Variants in DNAH7 observed in about 807,000 individuals in gnomAD.
DNAH7 encodes the protein dynein axonemal heavy chain 7, also known as axonemal beta dynein heavy chain 7.
A neutral mutation model predicts 444.6 loss-of-function variants in DNAH7; 397 were observed. The ratio of observed to expected loss-of-function variants is 0.89; its 90% CI spans 0.82 to 0.97. The LOEUF (loss-of-function observed/expected upper bound fraction) is 0.97. DNAH7 is among the 50% of genes least tolerant of loss of function. DNAH7 has a pLI of 0.00. For missense variants in DNAH7, 4,902 were observed against 4,800.8 expected (o/e 1.02, Z -0.62); for synonymous variants, 1,636 against 1,624.4 (o/e 1.01, Z -0.17).
Position 195,858,716 on chromosome 2 carries a change from A to T in DNAH7, c.7825T>A (p.Leu2609Met), listed in dbSNP as rs370012351. ...TTTAATTGAGGATGTAGTGCCTCCA[A>T]CTCCATCTGCATTGTGGCTACTTGA... The part of the protein sequence containing the change: ...SSQVATMQME[L>M]EALHPQLKVA... Residue 2609 changes from leucine to methionine, a missense_variant, in exon 43 of 65, where the codon TTG becomes ATG. Leu to Met is a conservative substitution (Grantham distance 15, BLOSUM62 2). Coordinates refer to ENST00000312428, the MANE Select transcript of DNAH7 (RefSeq NM_018897.3). The T allele has an allele frequency of 1.2e-6, 2 of 1,613,828 alleles. No homozygotes were observed. Among genetic ancestry groups the T allele is most frequent in the Non-Finnish European group, 1.7e-6 (2 of 1,179,916 alleles).
intron 28 of DNAH7, 94 bp from the exon 29 acceptor site, chr2:195,897,859 G>A: frequency 1.8e-6 from 1 of 563,804 alleles, no homozygotes; most frequent in Non-Finnish European, 3.1e-6. Context: ...TACAGACCCT[G>A]TAACTCAGTT....
intron 3 of DNAH7, among the ~76,000 whole-genome samples, chr2:196,048,989 A>G (rs1184968935): frequency 2.0e-5 from 3 of 152,230 alleles, no homozygotes; most frequent in Admixed American, 6.5e-5. Flanking sequence ...TTCATCTTCT[A>G]AAAACGCAAT....
At chr2:195,952,330 G>A (rs1377559193) in intron 19 of DNAH7, among the ~76,000 whole-genome samples, 1 of 152,110 alleles carries the variant, frequency 6.6e-6, no homozygotes, top group Non-Finnish European at 1.5e-5. Flanking sequence ...CCCTTTGTGG[G>A]TAACCCGACC....
At chr2:196,004,962 CAAAA>C (rs60564090) in intron 10 of DNAH7, among the ~76,000 whole-genome samples, 645 of 63,682 alleles carry the variant, frequency 0.01, 5 homozygotes, top group African/African-American at 0.029. Flanking sequence ...GGCCTTGTGT[CAAAA>C]AAAAAAAAAA....
intron 48 of DNAH7, among the ~76,000 whole-genome samples, chr2:195,828,613 T>A (rs868591851): frequency 0.16 from 19,224 of 121,728 alleles, 1,350 homozygotes; most frequent in East Asian, 0.29. Flanking sequence ...TATATATATT[T>A]TTTTTTTTTT....
chr2:196,033,625 C>G (rs1696198989), intron 5 of DNAH7, among the ~76,000 whole-genome samples: 1 of 152,094 alleles, frequency 6.6e-6, no homozygotes, highest in South Asian at 2.1e-4. Flanking sequence ...ATAAAATTTC[C>G]CTTTTTTAAG....
chr2:195,936,759 T>G lies in DNAH7; in HGVS notation c.3112A>C (p.Arg1038=). The G allele has an allele frequency of 6.3e-7, 1 of 1,585,382 alleles. No individual in the cohort carries two copies. Among genetic ancestry groups the G allele is most frequent in the Non-Finnish European group, 8.6e-7 (1 of 1,168,696 alleles). Residue 1038 remains arginine, a synonymous_variant, in exon 20 of 65, where the codon AGA becomes CGA. Transcript: ENST00000312428. ...KHVLTVVTID[R]MLERLKKSNE... is the part of the protein sequence containing the mutation. ...GATTTTTTCAGCCTTTCCAGCATTC[T>G]GTCAATGGTTACAACTGTCAGAACA...
rs1316908974 is a variant in DNAH7, at chr2:195,998,430, C to T, written c.1353+2274G>A. On this transcript the variant is annotated intron_variant, in intron 12 of 64. Transcript: ENST00000312428. ...CTCTACTAAAAATACAAAAAATAGCCACGCATGGTGGCGGGTGCCTGTAGT... is the reference window on the plus strand; with the variant it reads ...CTCTACTAAAAATACAAAAAATAGCTACGCATGGTGGCGGGTGCCTGTAGT... Among the ~76,000 whole-genome samples the T allele has an allele frequency of 2.6e-5, 4 of 152,062 alleles. No homozygotes were observed. In the South Asian group the frequency reaches 6.2e-4, roughly 24 times the overall value.
At chr2:195,958,819 T>C (rs2125519681) in intron 18 of DNAH7, among the ~76,000 whole-genome samples, 1 of 152,260 alleles carries the variant, frequency 6.6e-6, no homozygotes, top group African/African-American at 2.4e-5. Context: ...CATCTATTTA[T>C]CAATGGAGAG....
intron 49 of DNAH7, 58 bp downstream of exon 49, chr2:195,824,197 G>A: frequency 6.8e-7 from 1 of 1,471,280 alleles, no homozygotes; most frequent in Non-Finnish European, 9.2e-7. Flanking sequence ...GACTCAGGAG[G>A]AATATATAGT....
intron 7 of DNAH7, among the ~76,000 whole-genome samples, chr2:196,026,410 C>G (rs553840893): frequency 1.3e-5 from 2 of 152,092 alleles, no homozygotes; most frequent in Non-Finnish European, 2.9e-5. Flanking sequence ...CCAAAAGATC[C>G]TGGAATGAAG....
intron 46 of DNAH7, among the ~76,000 whole-genome samples, chr2:195,848,948 ATAT>A (rs1379890006): frequency 1.3e-5 from 2 of 152,144 alleles, no homozygotes; most frequent in African/African-American, 4.8e-5. Context: ...CACTTGTGAA[ATAT>A]TATATTATAA....
chr2:195,873,695 C>T lies in DNAH7; in HGVS notation c.6287-1G>A. The stretch of plus-strand genomic sequence containing the variant: ...GGAGTTACTGGATTTCGACCACCAC[C>T]TAAATATTAAAAAGTATAACTCTTA... On this transcript the variant is annotated splice_acceptor_variant, in intron 38 of 64. Transcript: ENST00000312428. LOFTEE classifies it high-confidence loss of function. The T allele has an allele frequency of 6.6e-7, 1 of 1,524,182 alleles. No individual in the cohort carries two copies. Among genetic ancestry groups the T allele is most frequent in the Non-Finnish European group, 8.7e-7 (1 of 1,144,064 alleles). The allele number at this position is 1,524,182 out of a possible 1,614,324, so 94.4% of individuals were successfully genotyped here. A position where few individuals can be genotyped will look rare whatever the true frequency, so the allele number is the denominator to read the frequency against.
chr2:195,988,219 G>A lies in DNAH7; in HGVS notation c.1364C>T (p.Ser455Phe). 1 of 1,598,166 alleles carries A rather than the reference G, an allele frequency of 6.3e-7. No homozygotes were observed. The highest frequency in any genetic ancestry group is 8.5e-7 in the Non-Finnish European group (1 of 1,175,034). Reference sequence around the variant, plus strand: ...TATGGGCTTCAAGGTTGTTGGTTTAGACTTACTTTCCTAAACAAGGGGGTA... The same window carrying A: ...TATGGGCTTCAAGGTTGTTGGTTTAAACTTACTTTCCTAAACAAGGGGGTA... ...TKLYSKWESK[S>F]KPTTLKPIIL... The change falls in exon 13 of 65, where the codon TCT (serine) becomes TTT (phenylalanine). Residue 455 changes from serine to phenylalanine, a missense_variant. Coordinates refer to ENST00000312428, the MANE Select transcript of DNAH7 (RefSeq NM_018897.3).
chr2:195,882,675 T>A (rs1701457513), intron 35 of DNAH7, among the ~76,000 whole-genome samples: 1 of 152,218 alleles, frequency 6.6e-6, no homozygotes, highest in Non-Finnish European at 1.5e-5. Context: ...ACAGTGTTTA[T>A]AACAAAAACA....
chr2:195,878,918 A>G (rs1701210612), intron 36 of DNAH7, among the ~76,000 whole-genome samples: 1 of 152,204 alleles, frequency 6.6e-6, no homozygotes, highest in Non-Finnish European at 1.5e-5. Flanking sequence ...AAGGAGGTCA[A>G]TGGATACTGT....
intron 46 of DNAH7, among the ~76,000 whole-genome samples, chr2:195,847,274 C>T (rs1271718460): frequency 6.6e-6 from 1 of 151,384 alleles, no homozygotes; most frequent in African/African-American, 2.4e-5. Context: ...AGAATCAACT[C>T]AAATGGTACA....
rs763809008 is a variant in DNAH7, at chr2:195,960,912, CA to C, written c.2238del (p.Phe746LeufsTer18). ...IEQFNAEEEA[F>X]GWLPSVYPQR... ...TGAGGATATACAGATGGTAGCCAAC[CA>C]AATGCTTCCTCTTCAGCATTAAACT... On this transcript the variant is annotated frameshift_variant, in exon 18 of 65. Transcript: ENST00000312428. LOFTEE classifies it high-confidence loss of function. 1.2e-6 allele frequency: 2 copies of C among 1,606,450 alleles called. No individual in the cohort carries two copies. The highest frequency in any genetic ancestry group is 3.4e-5 in the Admixed American group (2 of 59,534).
chr2:196,057,290 C>T (rs1697867120), intron 2 of DNAH7, among the ~76,000 whole-genome samples: 1 of 152,120 alleles, frequency 6.6e-6, no homozygotes, highest in Non-Finnish European at 1.5e-5. Context: ...CAATTACATG[C>T]CTTGCTGACT....
Sources: gnomAD v4.1 joint callset for allele counts (sites outside exome capture counted in the v4.1 genomes callset) on GRCh38, gnomAD v4.1.1 for gene constraint, MANE v1.5 for transcripts, NCBI Gene and HGNC (gene_info 2026-07-23, HGNC 2026-07-21) for gene names.